REV3L: variants seen among roughly 807,000 people sequenced by gnomAD.
REV3L encodes DNA polymerase zeta catalytic subunit.
In REV3L, 69 loss-of-function variants were observed where a neutral mutation model predicts 299.4. The ratio of observed to expected loss-of-function variants is 0.23; its 90% CI spans 0.19 to 0.28. The LOEUF (loss-of-function observed/expected upper bound fraction) is 0.28. Ranked by LOEUF, REV3L falls within the 10% of genes least tolerant of loss-of-function variation. REV3L has a pLI of 1.00. For synonymous variants in REV3L, 1,238 were observed against 1,271.4 expected, an observed-to-expected ratio of 0.97 and a Z score of 0.56; for missense variants, 3,128 against 3,693.8, an observed-to-expected ratio of 0.85 and a Z score of 3.97.
At chr6:111,321,629 A>G (rs1774201937) in intron 26 of REV3L, among the ~76,000 whole-genome samples, 1 of 152,246 alleles carries the variant, frequency 6.6e-6, no homozygotes, top group African/African-American at 2.4e-5. Context: ...CAGCTGCTCT[A>G]TAAGGCAAGG....
At chr6:111,411,742 G>A (rs1784273915) in intron 2 of REV3L, among the ~76,000 whole-genome samples, 188 bp from the exon 3 acceptor site, 1 of 152,016 alleles carries the variant, frequency 6.6e-6, no homozygotes, top group Non-Finnish European at 1.5e-5. Context: ...ATGAAATACT[G>A]AAGCTTTTTT....
intron 26 of REV3L, among the ~76,000 whole-genome samples, chr6:111,320,173 A>G (rs1773985517): frequency 1.3e-5 from 2 of 152,106 alleles, no homozygotes; most frequent in African/African-American, 4.8e-5. Flanking sequence ...GGTTCTAGCT[A>G]TTCTCCTGCC....
At chr6:111,381,766 A>G (rs1456191697) in intron 9 of REV3L, among the ~76,000 whole-genome samples, 1 of 152,210 alleles carries the variant, frequency 6.6e-6, no homozygotes, top group African/African-American at 2.4e-5. Flanking sequence ...AAGATAAACT[A>G]TCTTATTTGA....
At chr6:111,365,725 T>C (rs1779121831) in intron 14 of REV3L, among the ~76,000 whole-genome samples, 1 of 152,162 alleles carries the variant, frequency 6.6e-6, no homozygotes, top group African/African-American at 2.4e-5. Flanking sequence ...AATAAAATTA[T>C]AACTGCACTA....
At chr6:111,343,472 G>A (rs751707563) in intron 21 of REV3L, among the ~76,000 whole-genome samples, 1 of 152,156 alleles carries the variant, frequency 6.6e-6, no homozygotes, top group South Asian at 2.1e-4. Context: ...ATCTTGATTG[G>A]AGTAATGAGT....
upstream of REV3L, chr6:111,483,424 G>C (rs996333552): frequency 2.3e-6 from 1 of 432,118 alleles, no homozygotes; most frequent in African/African-American, 2.1e-5. Flanking sequence ...GCGCCCGCGC[G>C]GGATCGATGA....
intron 16 of REV3L, among the ~76,000 whole-genome samples, chr6:111,363,197 C>G (rs1298733566): frequency 6.6e-6 from 1 of 152,206 alleles, no homozygotes; most frequent in Non-Finnish European, 1.5e-5. Context: ...GTAGCAAGCT[C>G]TAATCCACTC....
intron 26 of REV3L, among the ~76,000 whole-genome samples, chr6:111,316,415 G>A (rs1466447603): frequency 1.3e-5 from 2 of 152,046 alleles, no homozygotes; most frequent in Non-Finnish European, 2.9e-5. Flanking sequence ...TGTAATCCCA[G>A]CACTTTGGGA....
intron 1 of REV3L, among the ~76,000 whole-genome samples, chr6:111,477,394 T>A (rs1226682591): frequency 1.3e-5 from 2 of 152,220 alleles, no homozygotes; most frequent in Admixed American, 1.3e-4. Flanking sequence ...CATATGAAAT[T>A]ACAATGACAG....
At chr6:111,320,042 C>T (rs533404442) in intron 26 of REV3L, among the ~76,000 whole-genome samples, 1 of 150,618 alleles carries the variant, frequency 6.6e-6, no homozygotes, top group Non-Finnish European at 1.5e-5. Flanking sequence ...TCCCAAAGTG[C>T]AGGGATTACA....
At chr6:111,481,057 C>G (rs957407347) in intron 1 of REV3L, among the ~76,000 whole-genome samples, 4 of 152,024 alleles carry the variant, frequency 2.6e-5, no homozygotes, top group African/African-American at 9.7e-5. Context: ...TACAACAAAG[C>G]TTGACTATCT....
intron 19 of REV3L, among the ~76,000 whole-genome samples, chr6:111,349,988 T>C (rs1777429292): frequency 6.6e-6 from 1 of 152,160 alleles, no homozygotes. Flanking sequence ...TTAAAATGCG[T>C]CTCTCCTATG....
At chr6:111,476,183 A>G (rs1792920019) in intron 1 of REV3L, among the ~76,000 whole-genome samples, 1 of 152,100 alleles carries the variant, frequency 6.6e-6, no homozygotes, top group South Asian at 2.1e-4. Flanking sequence ...TGAGACAGGG[A>G]CTTGCTCTGT....
At chr6:111,419,252 T>G (rs946463121) in intron 1 of REV3L, among the ~76,000 whole-genome samples, 3 of 152,116 alleles carry the variant, frequency 2.0e-5, no homozygotes, top group Admixed American at 6.5e-5. Flanking sequence ...ATTCTTGGCA[T>G]AGCACTAACA....
chr6:111,405,475 C>T lies in REV3L; in HGVS notation c.560G>A (p.Arg187Lys). 6.3e-7 allele frequency: 1 copy of T among 1,583,546 alleles called. No homozygotes were observed. Among genetic ancestry groups the T allele is most frequent in the Non-Finnish European group, 8.6e-7 (1 of 1,169,042 alleles). ...LAAVKFRKAR[R>K]KSNTLHATGS... ...TGACTGAAAATTAACCTTACTTTTC[C>T]TTCTTGCTTTTCGGAACTTGACAGC... Residue 187 changes from arginine to lysine, a missense_variant, in exon 4 of 32, where the codon AGG (arginine) becomes AAG (lysine). By Grantham distance (26) the Arg-to-Lys change is conservative. Coordinates refer to ENST00000368802, the MANE Select transcript of REV3L (RefSeq NM_001372078.1).
At chr6:111,417,863 C>T (rs1784932435) in intron 1 of REV3L, among the ~76,000 whole-genome samples, 1 of 152,202 alleles carries the variant, frequency 6.6e-6, no homozygotes, top group African/African-American at 2.4e-5. Flanking sequence ...GAACTACCAA[C>T]TGTCGTGCTT....
intron 1 of REV3L, among the ~76,000 whole-genome samples, chr6:111,433,944 C>A (rs970585392): frequency 6.6e-6 from 1 of 151,974 alleles, no homozygotes; most frequent in African/African-American, 2.4e-5. Context: ...TAATCATGAA[C>A]AAAAAAGCCT....
intron 1 of REV3L, among the ~76,000 whole-genome samples, chr6:111,437,104 T>A (rs578182684): frequency 3.3e-5 from 5 of 152,164 alleles, no homozygotes; most frequent in Admixed American, 1.3e-4. Context: ...ACTAGTGTTG[T>A]GGAGAAACTG....
At chr6:111,321,161 C>G (rs1186735794) in intron 26 of REV3L, among the ~76,000 whole-genome samples, 1 of 152,118 alleles carries the variant, frequency 6.6e-6, no homozygotes, top group Non-Finnish European at 1.5e-5. Context: ...GAAATTTGTT[C>G]TTAATAAGCA....
Sources: allele counts gnomAD v4.1 joint callset (sites outside exome capture counted in the v4.1 genomes callset), GRCh38; gene constraint gnomAD v4.1.1; transcripts MANE v1.5; gene names NCBI Gene and HGNC (gene_info 2026-07-23, HGNC 2026-07-21).